Variants in HUNK observed in about 807,000 individuals in gnomAD.
HUNK encodes hormonally up-regulated Neu-associated kinase, also known as hormonally up-regulated neu tumor-associated kinase.
A neutral mutation model predicts 61.0 loss-of-function variants in HUNK; 21 were observed. The observed-to-expected ratio is 0.34, with a 90% CI of 0.24 to 0.50. The LOEUF (loss-of-function observed/expected upper bound fraction) is 0.50, where lower values mean the gene tolerates loss of function less well. Among genes scored for constraint, HUNK ranks in the 20% least tolerant of loss-of-function variants. The pLI, the probability that HUNK is intolerant of heterozygous loss-of-function variation, is 0.98. For missense variants in HUNK, 772 were observed against 945.7 expected (o/e 0.82, Z 2.41); for synonymous variants, 371 against 386.1 (o/e 0.96, Z 0.46).
intron 4 of HUNK, among the ~76,000 whole-genome samples, chr21:31,955,442 AT>A (rs1294845421): frequency 6.7e-6 from 1 of 149,720 alleles, no homozygotes; most frequent in African/African-American, 2.5e-5. Context: ...AAAAAAAAAA[AT>A]AGCCAGGCCT....
At chr21:31,930,470 T>A (rs2052688917) in intron 2 of HUNK, among the ~76,000 whole-genome samples, 1 of 152,210 alleles carries the variant, frequency 6.6e-6, no homozygotes, top group Non-Finnish European at 1.5e-5. Flanking sequence ...TTTGGCTGAA[T>A]TCTACTCATC....
At chr21:31,973,581 G>GTGA (rs34890227) in intron 6 of HUNK, among the ~76,000 whole-genome samples, 48,538 of 150,188 alleles carry the variant, frequency 0.32, 8,307 homozygotes, top group Non-Finnish European at 0.38. Context: ...GATGGTGGTG[G>GTGA]TGATGATGAT....
At chr21:31,956,592 TCTC>T (rs2052891038) in intron 4 of HUNK, among the ~76,000 whole-genome samples, 1 of 152,138 alleles carries the variant, frequency 6.6e-6, no homozygotes, top group South Asian at 2.1e-4. Flanking sequence ...CTAACCTGTC[TCTC>T]CTCCTCAGCC....
rs1305050985 is a variant in HUNK, at chr21:31,999,058, G to T, written c.2019G>T (p.Arg673Ser). ...FPMMGIGQML[R>S]KRHQSLQPSA... is the part of the protein sequence containing the mutation. ...TGATGGGCATCGGACAGATGTTAAG[G>T]AAGCGCCATCAGAGTCTGCAGCCAT... is the stretch of plus-strand genomic sequence containing the variant. Residue 673 changes from arginine to serine, a missense_variant, in exon 11 of 11, where the codon AGG becomes AGT. Arg to Ser is a moderately radical substitution (Grantham distance 110). Transcript: ENST00000270112. 2 of 1,614,108 alleles carry T rather than the reference G, an allele frequency of 1.2e-6. No individual in the cohort carries two copies. The highest frequency in any genetic ancestry group is 2.2e-5 in the South Asian group (2 of 91,096).
intron 1 of HUNK, among the ~76,000 whole-genome samples, chr21:31,914,856 C>G (rs1034903810): frequency 6.6e-6 from 1 of 152,148 alleles, no homozygotes; most frequent in African/African-American, 2.4e-5. Context: ...AAGTCTCTCT[C>G]TTTAAATACA....
chr21:31,958,784 C>T (rs866836091), intron 4 of HUNK, 59 bp from the exon 5 acceptor site: 5 of 1,498,160 alleles, frequency 3.3e-6, no homozygotes, highest in African/African-American at 1.4e-5. Flanking sequence ...CCCGTGTCCC[C>T]AGTCTTCCCC....
intron 5 of HUNK, among the ~76,000 whole-genome samples, chr21:31,962,657 C>T (rs1376148752): frequency 6.6e-6 from 1 of 152,264 alleles, no homozygotes; most frequent in Admixed American, 6.5e-5. Flanking sequence ...TTGTTGTCTT[C>T]ACTTGTCAAG....
At position 31,873,950 on chromosome 21, in the gene HUNK, C is replaced by T; in HGVS notation, c.261+15C>T. On this transcript the variant is annotated intron_variant, in intron 1 of 10. Transcript: ENST00000270112. This position sits in a 1 kb window ranked among gnomAD's most constrained non-coding sequence, Gnocchi z 6.1. Reference sequence around the variant, plus strand: ...CCGGGGAGAAGGTGAGTCTCCCGGGCGCCGTGGGGCTGGGGCACAGGGGCG... The same window carrying T: ...CCGGGGAGAAGGTGAGTCTCCCGGGTGCCGTGGGGCTGGGGCACAGGGGCG... The T allele has an allele frequency of 1.3e-6, 2 of 1,484,734 alleles. No individual in the cohort carries two copies. The allele number at this position is 1,484,734 out of a possible 1,614,324, so 92.0% of individuals were successfully genotyped here.
chr21:31,987,410 G>A (rs1372223277), intron 8 of HUNK, among the ~76,000 whole-genome samples: 3 of 152,180 alleles, frequency 2.0e-5, no homozygotes, highest in Admixed American at 6.5e-5. Context: ...AGAGCCCAAT[G>A]TGTGTACCCT....
At chr21:31,987,936 CAGGGCTCGTGTCCCCT>C (rs1389334026) in intron 8 of HUNK, among the ~76,000 whole-genome samples, 1 of 152,158 alleles carries the variant, frequency 6.6e-6, no homozygotes, top group Non-Finnish European at 1.5e-5. Flanking sequence ...GGGTGTGGCC[CAGGGCTCGTGTCCCCT>C]AGGGCTGTCA....
At chr21:31,879,770 G>A (rs2123786674) in intron 1 of HUNK, among the ~76,000 whole-genome samples, 1 of 152,276 alleles carries the variant, frequency 6.6e-6, no homozygotes, top group African/African-American at 2.4e-5. Context: ...GACAGGTTGG[G>A]GTGTTCTCCA....
intron 2 of HUNK, among the ~76,000 whole-genome samples, chr21:31,938,104 CT>C (rs139921568): frequency 0.015 from 2,276 of 152,248 alleles, 55 homozygotes; most frequent in African/African-American, 0.052. Context: ...TAGAGTTCAC[CT>C]TTTTTTCTGC....
intron 4 of HUNK, among the ~76,000 whole-genome samples, chr21:31,954,214 C>T (rs2052872065): frequency 6.6e-6 from 1 of 152,176 alleles, no homozygotes; most frequent in African/African-American, 2.4e-5. Context: ...GAGGCATCTG[C>T]ACTATACGAC....
At chr21:31,989,643 A>C (rs2053157596) in intron 8 of HUNK, among the ~76,000 whole-genome samples, 1 of 150,012 alleles carries the variant, frequency 6.7e-6, no homozygotes, top group African/African-American at 2.5e-5. Context: ...GAACCTGGGA[A>C]GCAGAGGTTG....
chr21:31,933,524 C>A (rs1303701173), intron 2 of HUNK, among the ~76,000 whole-genome samples: 1 of 152,066 alleles, frequency 6.6e-6, no homozygotes, highest in Admixed American at 6.5e-5. Flanking sequence ...GTGGCTCACG[C>A]CTGTAATCCT....
At chr21:31,961,435 G>T (rs1256854517) in intron 5 of HUNK, among the ~76,000 whole-genome samples, 1 of 152,132 alleles carries the variant, frequency 6.6e-6, no homozygotes. Context: ...TGCTGGGTTG[G>T]GTAGTAAGCA....
chr21:31,991,491 T>C (rs1208686759), intron 9 of HUNK, among the ~76,000 whole-genome samples: 1 of 152,148 alleles, frequency 6.6e-6, no homozygotes. Flanking sequence ...AGTGCTGGGA[T>C]TACAAGCATG....
At chr21:31,984,916 C>T (rs928587000) in intron 8 of HUNK, among the ~76,000 whole-genome samples, 2 of 152,166 alleles carry the variant, frequency 1.3e-5, no homozygotes, top group Non-Finnish European at 2.9e-5. Context: ...GATGGACTCA[C>T]AGTTTCACAT....
At chr21:31,925,698 G>A (rs2052654792) in intron 2 of HUNK, among the ~76,000 whole-genome samples, 2 of 152,158 alleles carry the variant, frequency 1.3e-5, no homozygotes, top group African/African-American at 4.8e-5. Flanking sequence ...TCCTAGGAAG[G>A]GGCTCTACAA....
Sources: gnomAD v4.1 joint callset for allele counts (sites outside exome capture counted in the v4.1 genomes callset) on GRCh38, gnomAD v4.1.1 for gene constraint, Gnocchi (gnomAD v3.1) non-coding constraint, MANE v1.5 for transcripts, NCBI Gene and HGNC (gene_info 2026-07-23, HGNC 2026-07-21) for gene names.